The following MIPOL1 variants were observed in gnomAD, a reference collection of about 807,000 sequenced individuals.
MIPOL1 encodes the protein mirror-image polydactyly 1, also known as mirror-image polydactyly gene 1 protein.
Under a neutral mutation model 60.9 loss-of-function variants are expected in MIPOL1, and 57 were observed. The observed-to-expected ratio is 0.94, with a 90% CI of 0.76 to 1.17. The LOEUF (loss-of-function observed/expected upper bound fraction) is 1.17. Among genes scored for constraint, MIPOL1 ranks in the 50% most tolerant of loss-of-function variants. The pLI, the probability that MIPOL1 is intolerant of heterozygous loss-of-function variation, is 0.00. For synonymous variants in MIPOL1, 179 were observed against 168.8 expected, an observed-to-expected ratio of 1.06 and a Z score of -0.47; for missense variants, 551 against 511.6, an observed-to-expected ratio of 1.08 and a Z score of -0.74.
chr14:37,539,164 T>A (rs1294532659), intron 12 of MIPOL1, among the ~76,000 whole-genome samples: 1 of 151,658 alleles, frequency 6.6e-6, no homozygotes, highest in Non-Finnish European at 1.5e-5. Flanking sequence ...ATCGTGCCAC[T>A]GCACTCCAGC....
chr14:37,271,484 G>A (rs1208124761), intron 6 of MIPOL1, among the ~76,000 whole-genome samples: 2 of 151,796 alleles, frequency 1.3e-5, no homozygotes, highest in Non-Finnish European at 2.9e-5. Flanking sequence ...AAATATGATT[G>A]TGGAAAATAG....
intron 9 of MIPOL1, among the ~76,000 whole-genome samples, chr14:37,341,061 T>A (rs147610749): frequency 6.6e-6 from 1 of 152,216 alleles, no homozygotes; most frequent in African/African-American, 2.4e-5. Flanking sequence ...CAGTAGGCTA[T>A]ACCATCTAGG....
chr14:37,427,417 A>T (rs1372278258), intron 11 of MIPOL1, among the ~76,000 whole-genome samples: 2 of 152,170 alleles, frequency 1.3e-5, no homozygotes, highest in East Asian at 3.9e-4. Flanking sequence ...GGAGAAGGGG[A>T]ATACGGAGTT....
chr14:37,316,893 G>A (rs932933937), intron 9 of MIPOL1, among the ~76,000 whole-genome samples: 1 of 151,952 alleles, frequency 6.6e-6, no homozygotes, highest in Non-Finnish European at 1.5e-5. Context: ...CAGGAGAATC[G>A]CTTGAACCCA....
chr14:37,462,046 T>A (rs1026652604), intron 11 of MIPOL1, among the ~76,000 whole-genome samples: 1 of 152,190 alleles, frequency 6.6e-6, no homozygotes, highest in Non-Finnish European at 1.5e-5. Context: ...CACCCCACAT[T>A]TCCCTTCTGC....
intron 11 of MIPOL1, among the ~76,000 whole-genome samples, chr14:37,435,785 A>G (rs1286248218): frequency 7.1e-6 from 1 of 141,500 alleles, no homozygotes; most frequent in African/African-American, 2.6e-5. Context: ...TTTTTTATGT[A>G]CATGTATTAC....
intron 7 of MIPOL1, among the ~76,000 whole-genome samples, chr14:37,304,212 C>CT (rs2086587553): frequency 6.6e-6 from 1 of 151,618 alleles, no homozygotes; most frequent in East Asian, 1.9e-4. Flanking sequence ...CCTTTGTTGT[C>CT]TTTTTTCTCT....
downstream of MIPOL1, chr14:37,551,382 A>G (rs1386231436): frequency 6.6e-6 from 1 of 152,152 alleles, no homozygotes. Context: ...GATTAAGTTC[A>G]CTGTCAAACT....
In MIPOL1 at chr14:37,364,084, C is replaced by T. The variant is rs117892369; in HGVS notation, c.829-5433C>T. Among the ~76,000 whole-genome samples, 48 of 152,320 alleles carry T rather than the reference C, an allele frequency of 3.2e-4. No homozygotes were observed. The East Asian group carries it at 7.1e-3, about 23-fold the overall frequency. On this transcript the variant is annotated intron_variant, in intron 9 of 12. Coordinates refer to ENST00000684589, the MANE Select transcript of MIPOL1 (RefSeq NM_001388067.1). ...AAAGGGAAATCCCCCTGACCCCTTGCGCTTCCTGGGTGAGGTGACGCCCTG... is the reference window on the plus strand; with the variant it reads ...AAAGGGAAATCCCCCTGACCCCTTGTGCTTCCTGGGTGAGGTGACGCCCTG...
chr14:37,201,719 T>C (rs559979874), intron 1 of MIPOL1, among the ~76,000 whole-genome samples: 2 of 152,292 alleles, frequency 1.3e-5, no homozygotes, highest in African/African-American at 4.8e-5. Flanking sequence ...CAGTTCATCT[T>C]TTACTCTTGG....
At chr14:37,215,370 C>T (rs1170332386) in intron 1 of MIPOL1, among the ~76,000 whole-genome samples, 1 of 151,992 alleles carries the variant, frequency 6.6e-6, no homozygotes, top group Non-Finnish European at 1.5e-5. Context: ...ATCTCTTTGT[C>T]TTGTGTCTTT....
At chr14:37,484,837 A>G (rs2094923746) in intron 11 of MIPOL1, among the ~76,000 whole-genome samples, 1 of 151,256 alleles carries the variant, frequency 6.6e-6, no homozygotes, top group Admixed American at 6.6e-5. Context: ...TAAAATTTCC[A>G]TTTGTTTCTT....
At chr14:37,399,147 C>T (rs889778667) in intron 10 of MIPOL1, among the ~76,000 whole-genome samples, 7 of 152,256 alleles carry the variant, frequency 4.6e-5, no homozygotes, top group Admixed American at 4.6e-4. Context: ...TAGTTGCAAC[C>T]TCTGAATGAA....
intron 10 of MIPOL1, among the ~76,000 whole-genome samples, chr14:37,406,245 T>G (rs189020453): frequency 1.9e-4 from 29 of 152,252 alleles, no homozygotes; most frequent in Admixed American, 1.2e-3. Flanking sequence ...TGAAATGGTA[T>G]AGAAGAAATT....
chr14:37,455,065 T>C (rs999263086), intron 11 of MIPOL1, among the ~76,000 whole-genome samples: 2 of 152,164 alleles, frequency 1.3e-5, no homozygotes, highest in Non-Finnish European at 2.9e-5. Flanking sequence ...TCTCTCTCTT[T>C]AGTTTCAGTT....
chr14:37,471,052 T>C (rs2094682516), intron 11 of MIPOL1, among the ~76,000 whole-genome samples: 1 of 152,194 alleles, frequency 6.6e-6, no homozygotes, highest in East Asian at 1.9e-4. Flanking sequence ...CTACACAATG[T>C]ATCCATGTAG....
At chr14:37,507,308 A>T (rs892872977) in intron 12 of MIPOL1, 1 of 152,190 alleles carries the variant, frequency 6.6e-6, no homozygotes, top group African/African-American at 2.4e-5. Context: ...ATGCACACAT[A>T]TGCTTATTGC....
chr14:37,456,891 C>T (rs1003934759), intron 11 of MIPOL1, among the ~76,000 whole-genome samples: 5 of 152,058 alleles, frequency 3.3e-5, no homozygotes, highest in African/African-American at 9.7e-5. Context: ...AAAACTCACT[C>T]TACAGACAAC....
intron 9 of MIPOL1, among the ~76,000 whole-genome samples, chr14:37,316,963 G>A (rs2087977022): frequency 6.6e-6 from 1 of 152,002 alleles, no homozygotes; most frequent in East Asian, 1.9e-4. Flanking sequence ...GGGAGACAGA[G>A]CAAGACTCCA....
Sources: gnomAD v4.1 joint callset for allele counts (sites outside exome capture counted in the v4.1 genomes callset) on GRCh38, gnomAD v4.1.1 for gene constraint, MANE v1.5 for transcripts, NCBI Gene and HGNC (gene_info 2026-07-23, HGNC 2026-07-21) for gene names.